Variants in MGST1 observed in about 807,000 individuals in gnomAD.
MGST1 encodes microsomal glutathione S-transferase 1, also known as glutathione S-transferase 12.
A neutral mutation model predicts 8.9 loss-of-function variants in MGST1; 5 were observed. That is an observed-to-expected ratio of 0.56 (90% CI 0.29 to 1.19). The LOEUF (loss-of-function observed/expected upper bound fraction) is 1.19, where lower values mean the gene tolerates loss of function less well. Ranked by LOEUF, MGST1 falls within the 50% of genes most tolerant of loss-of-function variation. MGST1 has a pLI of 0.08. For synonymous variants in MGST1, 54 were observed against 67.8 expected (o/e 0.80, Z 1.00); for missense variants, 182 against 187.4 (o/e 0.97, Z 0.17).
At chr12:16,399,650 A>G in intron 1 of MGST1, 1 of 1,594,772 alleles carries the variant, frequency 6.3e-7, no homozygotes, top group South Asian at 1.1e-5. Flanking sequence ...CCTCATCGTC[A>G]GGCTCCAGAA....
At chr12:16,566,992 C>T (rs902920314) in intron 4 of MGST1, among the ~76,000 whole-genome samples, 7 of 152,066 alleles carry the variant, frequency 4.6e-5, no homozygotes, top group Admixed American at 1.3e-4. Context: ...GTCAGGAGTT[C>T]GGGACCAGCC....
chr12:16,566,041 A>ATATATAT (rs1942599289), intron 4 of MGST1, among the ~76,000 whole-genome samples: 1 of 90,770 alleles, frequency 1.1e-5, no homozygotes, highest in African/African-American at 4.0e-5. Context: ...TATATATATA[A>ATATATAT]AATGGAGTAC....
chr12:16,418,928 T>C (rs537194410), intron 1 of MGST1, among the ~76,000 whole-genome samples: 1 of 152,264 alleles, frequency 6.6e-6, no homozygotes, highest in African/African-American at 2.4e-5. Context: ...GGAGAACTCA[T>C]ACCCACCCCT....
At chr12:16,538,348 C>T (rs572519691) in intron 4 of MGST1, among the ~76,000 whole-genome samples, 4 of 152,266 alleles carry the variant, frequency 2.6e-5, no homozygotes, top group Admixed American at 1.3e-4. Flanking sequence ...AGGCTCTAAA[C>T]TTTCCCACAT....
intron 4 of MGST1, among the ~76,000 whole-genome samples, chr12:16,580,331 T>C (rs1183360233): frequency 6.6e-6 from 1 of 152,120 alleles, no homozygotes; most frequent in Non-Finnish European, 1.5e-5. Flanking sequence ...AATAGAAGGA[T>C]CAAGAGCAAA....
chr12:16,581,387 C>T (rs1226398824), intron 4 of MGST1, among the ~76,000 whole-genome samples: 2 of 152,078 alleles, frequency 1.3e-5, no homozygotes, highest in African/African-American at 4.8e-5. Context: ...ACTGTAGTTC[C>T]CAAGGGCTAG....
At chr12:16,419,550 C>G (rs1479271218) in intron 1 of MGST1, among the ~76,000 whole-genome samples, 1 of 152,102 alleles carries the variant, frequency 6.6e-6, no homozygotes, top group Non-Finnish European at 1.5e-5. Flanking sequence ...CTGTAAGATA[C>G]TGTAGGAAAT....
At chr12:16,428,077 T>C (rs537589396) in intron 1 of MGST1, among the ~76,000 whole-genome samples, 2 of 152,036 alleles carry the variant, frequency 1.3e-5, no homozygotes, top group South Asian at 2.1e-4. Flanking sequence ...TTAAAAAAAT[T>C]ATTTTCCCAA....
At chr12:16,535,963 A>G (rs990714412) in intron 4 of MGST1, among the ~76,000 whole-genome samples, 2 of 152,188 alleles carry the variant, frequency 1.3e-5, no homozygotes, top group Non-Finnish European at 1.5e-5. Context: ...TAAAAGTGAA[A>G]CACAAAGGAT....
chr12:16,421,950 C>A (rs988205290), intron 1 of MGST1, among the ~76,000 whole-genome samples: 2 of 152,132 alleles, frequency 1.3e-5, no homozygotes, highest in African/African-American at 4.8e-5. Flanking sequence ...GATCTCTCAC[C>A]ATTACTCTAG....
At chr12:16,550,041 A>G (rs534121732) in intron 4 of MGST1, 32 of 152,158 alleles carry the variant, frequency 2.1e-4, no homozygotes, top group Admixed American at 5.2e-4. Context: ...ACAGAAAAAT[A>G]TATAATCACT....
intron 3 of MGST1, among the ~76,000 whole-genome samples, chr12:16,375,674 T>C (rs1940367871): frequency 6.6e-6 from 1 of 151,924 alleles, no homozygotes; most frequent in Admixed American, 6.6e-5. Flanking sequence ...AAGATACACA[T>C]ACAAAATCAA....
chr12:16,365,218 G>T (rs1342806089), downstream of MGST1, among the ~76,000 whole-genome samples: 1 of 151,926 alleles, frequency 6.6e-6, no homozygotes, highest in African/African-American at 2.4e-5. Flanking sequence ...AGCACCCATG[G>T]TTTCTACATA....
At chr12:16,522,541 G>C (rs1481405155) in intron 4 of MGST1, among the ~76,000 whole-genome samples, 1 of 151,772 alleles carries the variant, frequency 6.6e-6, no homozygotes, top group Non-Finnish European at 1.5e-5. Context: ...ATCATTACTT[G>C]CCATCATTAT....
In MGST1 at chr12:16,522,841, T is replaced by C. The variant is rs116298281; in HGVS notation, n.483-66687T>C. On this transcript the variant is annotated intron_variant and non_coding_transcript_variant, in intron 4 of 4. Transcript: ENST00000538857. The stretch of plus-strand genomic sequence containing the variant: ...CTTTCTACCTAGAGAAACTTGGCCT[T>C]AGGTAACCTTTCTTTCTGTTTCCCT... 7.5e-3 allele frequency among the ~76,000 whole-genome samples: 1,141 copies of C among 152,170 alleles called. 18 individuals carry two copies. The highest frequency in any genetic ancestry group is 0.026 in the African/African-American group (1,091 of 41,518).
At chr12:16,485,862 A>T (rs947114455) in intron 4 of MGST1, among the ~76,000 whole-genome samples, 14 of 152,230 alleles carry the variant, frequency 9.2e-5, no homozygotes, top group African/African-American at 3.1e-4. Flanking sequence ...ACTAAAAGCA[A>T]CATCAAAATA....
chr12:16,548,506 T>TGG lies in MGST1; in HGVS notation n.483-41021_483-41020dup, dbSNP rs1941871643. 6.6e-6 allele frequency: 1 copy of TGG among 152,164 alleles called. No homozygotes were observed. Among genetic ancestry groups the TGG allele is most frequent in the African/African-American group, 2.4e-5 (1 of 41,428 alleles). 9.4% of individuals were successfully genotyped at this position (152,164 alleles called of 1,614,324 possible). A position where few individuals can be genotyped will look rare whatever the true frequency, so the allele number is the denominator to read the frequency against. On this transcript the variant is annotated intron_variant and non_coding_transcript_variant, in intron 4 of 4. Coordinates refer to the MGST1 transcript ENST00000538857. The surrounding 1 kb of genome is among the most constrained non-coding windows in gnomAD (Gnocchi z 4.2). ...TCAACTTTTAAACTCAGCACTCTGT[T>TGG]GGAGTGGAGGTGCACGGTCCTTCAT...
Position 16,544,263 on chromosome 12 carries a change from C to CAA in MGST1, n.483-45262_483-45261dup, listed in dbSNP as rs1555110774. Among the ~76,000 whole-genome samples the CAA allele has an allele frequency of 4.7e-5, 7 of 147,482 alleles. No homozygotes were observed. Among genetic ancestry groups the CAA allele is most frequent in the Non-Finnish European group, 7.5e-5 (5 of 66,648 alleles). On this transcript the variant is annotated intron_variant and non_coding_transcript_variant, in intron 4 of 4. Transcript: ENST00000538857. The surrounding 1 kb of genome is among the most constrained non-coding windows in gnomAD (Gnocchi z 4.8). ...ACACACACACACACACACACACACA[C>CAA]AAAACATAACCTACTAGTCAATCTG... is the stretch of plus-strand genomic sequence containing the variant.
chr12:16,576,823 T>C lies in MGST1; in HGVS notation n.483-12705T>C, dbSNP rs1356196817. 6.6e-6 allele frequency among the ~76,000 whole-genome samples: 1 copy of C among 152,232 alleles called. No homozygotes were observed. Among genetic ancestry groups the C allele is most frequent in the Admixed American group, 6.5e-5 (1 of 15,274 alleles). ...TTTTTAAATACCATTTTAAATTCAGTGTACAATGGACATAAGACCTGTAGG... is the reference window on the plus strand; with the variant it reads ...TTTTTAAATACCATTTTAAATTCAGCGTACAATGGACATAAGACCTGTAGG... On this transcript the variant is annotated intron_variant and non_coding_transcript_variant, in intron 4 of 4. Transcript: ENST00000538857. This position sits in a 1 kb window ranked among gnomAD's most constrained non-coding sequence, Gnocchi z 4.1.
Sources: gnomAD v4.1 joint callset for allele counts (sites outside exome capture counted in the v4.1 genomes callset) on GRCh38, gnomAD v4.1.1 for gene constraint, Gnocchi (gnomAD v3.1) non-coding constraint, MANE v1.5 for transcripts, NCBI Gene and HGNC (gene_info 2026-07-23, HGNC 2026-07-21) for gene names.